Variants in MACROD2 observed in about 807,000 individuals in gnomAD.
MACROD2 encodes the protein ADP-ribose glycohydrolase MACROD2.
A neutral mutation model predicts 70.4 loss-of-function variants in MACROD2; 36 were observed. The ratio of observed to expected loss-of-function variants is 0.51; its 90% CI spans 0.39 to 0.68. The LOEUF is 0.68. Ranked by LOEUF, MACROD2 falls within the 30% of genes least tolerant of loss-of-function variation. The pLI is 0.00. For missense variants in MACROD2, 496 were observed against 538.4 expected, an observed-to-expected ratio of 0.92 and a Z score of 0.78; for synonymous variants, 172 against 178.8, an observed-to-expected ratio of 0.96 and a Z score of 0.30.
At chr20:15,605,107 A>G (rs2048874598) in intron 8 of MACROD2, among the ~76,000 whole-genome samples, 1 of 152,112 alleles carries the variant, frequency 6.6e-6, no homozygotes, top group South Asian at 2.1e-4. Flanking sequence ...TTTTCCTCAC[A>G]CTAATATGTC....
chr20:14,579,290 C>A (rs6135186), intron 4 of MACROD2, among the ~76,000 whole-genome samples: 5 of 150,880 alleles, frequency 3.3e-5, no homozygotes, highest in Admixed American at 6.6e-5. Flanking sequence ...TACAGGCGCC[C>A]GCCACCGCGC....
Position 15,561,485 on chromosome 20 carries a change from A to G in MACROD2, c.645+61638A>G, listed in dbSNP as rs145727980. ...GCTTTGATGTTCTTGGAGATTCTCTATGTTGCTTGGTACTACTAGGCTAAA... is the reference window on the plus strand; with the variant it reads ...GCTTTGATGTTCTTGGAGATTCTCTGTGTTGCTTGGTACTACTAGGCTAAA... On this transcript the variant is annotated intron_variant, in intron 8 of 17. Transcript: ENST00000684519. 5.6e-3 allele frequency among the ~76,000 whole-genome samples: 850 copies of G among 152,226 alleles called. 8 individuals carry two copies. Among genetic ancestry groups the G allele is most frequent in the African/African-American group, 0.019 (810 of 41,544 alleles).
intron 8 of MACROD2, among the ~76,000 whole-genome samples, chr20:15,705,278 C>G (rs1600784852): frequency 6.6e-6 from 1 of 152,082 alleles, no homozygotes; most frequent in South Asian, 2.1e-4. Context: ...TTAAATCAGT[C>G]TTTGAGAGAG....
intron 12 of MACROD2, among the ~76,000 whole-genome samples, chr20:15,942,491 T>C (rs2065764430): frequency 6.6e-6 from 1 of 152,210 alleles, no homozygotes; most frequent in Non-Finnish European, 1.5e-5. Flanking sequence ...TGTGTACTTA[T>C]CTATTGAGGA....
intron 5 of MACROD2, among the ~76,000 whole-genome samples, chr20:15,142,341 CAAAGT>C (rs1249291510): frequency 2.0e-5 from 3 of 152,130 alleles, no homozygotes; most frequent in East Asian, 1.9e-4. Context: ...CAGTATTTCT[CAAAGT>C]AAAGCCCCAA....
intron 12 of MACROD2, among the ~76,000 whole-genome samples, chr20:15,951,909 A>G (rs1025474310): frequency 6.6e-6 from 1 of 152,142 alleles, no homozygotes; most frequent in Non-Finnish European, 1.5e-5. Context: ...TCTATCCTAA[A>G]CGTGTTATGT....
At chr20:15,285,936 C>G (rs1279712449) in intron 6 of MACROD2, among the ~76,000 whole-genome samples, 3 of 151,888 alleles carry the variant, frequency 2.0e-5, no homozygotes, top group African/African-American at 4.8e-5. Context: ...AATGATTAAT[C>G]AAAAAGTATC....
intron 5 of MACROD2, among the ~76,000 whole-genome samples, chr20:14,717,084 T>G (rs1242305939): frequency 6.6e-6 from 1 of 152,156 alleles, no homozygotes; most frequent in East Asian, 1.9e-4. Context: ...AATTCTGATT[T>G]TGTGTCGACT....
intron 5 of MACROD2, among the ~76,000 whole-genome samples, chr20:14,692,938 C>T (rs1048424483): frequency 6.6e-6 from 1 of 152,148 alleles, no homozygotes; most frequent in Non-Finnish European, 1.5e-5. Context: ...TAAAAAATAT[C>T]TACCTTTTGG....
Position 14,325,810 on chromosome 20 carries a change from C to T in MACROD2, c.272-167669C>T, listed in dbSNP as rs145192093. On this transcript the variant is annotated intron_variant, in intron 3 of 17. Transcript: ENST00000684519. The stretch of plus-strand genomic sequence containing the variant: ...GTCATCCTTTCTTCTCCTCCCTTTG[C>T]TATATGCACAGTTCCTTGAGAAGAG... 9 of 1,613,890 alleles carry T rather than the reference C, an allele frequency of 5.6e-6. No homozygotes were observed. The East Asian group carries it at 2.0e-4, about 36-fold the overall frequency.
At chr20:14,412,227 G>A (rs189749002) in intron 3 of MACROD2, among the ~76,000 whole-genome samples, 129 of 152,266 alleles carry the variant, frequency 8.5e-4, no homozygotes, top group Non-Finnish European at 1.4e-3. Context: ...TGTCTTAGCT[G>A]TGACCCTGGG....
chr20:15,468,581 G>A (rs574348997), intron 7 of MACROD2, among the ~76,000 whole-genome samples: 2 of 152,290 alleles, frequency 1.3e-5, no homozygotes, highest in South Asian at 4.1e-4. Context: ...AGCAGAGAGG[G>A]CTTAAAAGGT....
intron 12 of MACROD2, among the ~76,000 whole-genome samples, chr20:15,956,125 G>A (rs1424345333): frequency 2.0e-5 from 3 of 152,176 alleles, no homozygotes; most frequent in African/African-American, 7.2e-5. Flanking sequence ...CATGTGGCTG[G>A]CTGGTGGCTA....
intron 8 of MACROD2, among the ~76,000 whole-genome samples, chr20:15,837,358 T>C (rs1040841511): frequency 6.6e-6 from 1 of 152,142 alleles, no homozygotes; most frequent in African/African-American, 2.4e-5. Context: ...ATGGGACCCC[T>C]TTTCTCCGTG....
chr20:14,631,228 C>T (rs114972476), intron 4 of MACROD2, among the ~76,000 whole-genome samples: 2,177 of 152,142 alleles, frequency 0.014, 57 homozygotes, highest in African/African-American at 0.05. Context: ...AGATTTACAG[C>T]AACCAATCAG....
chr20:15,344,876 T>C (rs1469676548), intron 6 of MACROD2, among the ~76,000 whole-genome samples: 3 of 152,190 alleles, frequency 2.0e-5, no homozygotes, highest in African/African-American at 7.2e-5. Context: ...CCCCCTTATG[T>C]CTTAGTTGGT....
In MACROD2 at chr20:15,537,467, CTTTTTTTTTTTTTT is replaced by C. The variant is rs35857138; in HGVS notation, c.645+37631_645+37644del. Among the ~76,000 whole-genome samples, 181 of 89,968 alleles carry C rather than the reference CTTTTTTTTTTTTTT, an allele frequency of 2.0e-3. 2 individuals are homozygous for C. The highest frequency in any genetic ancestry group is 8.0e-3 in the African/African-American group (168 of 20,978). 59.0% of individuals were successfully genotyped at this position (89,968 alleles called of 152,430 possible). On this transcript the variant is annotated intron_variant, in intron 8 of 17. Coordinates refer to ENST00000684519, the MANE Select transcript of MACROD2 (RefSeq NM_001351661.2). ...ACTTTGCCTGGGAAATCCCACTCAT[CTTTTTTTTTTTTTT>C]TTTTTTTTTTGAGAGGGAGTGTCAC...
At chr20:15,946,975 T>C (rs1052756751) in intron 12 of MACROD2, among the ~76,000 whole-genome samples, 2 of 152,192 alleles carry the variant, frequency 1.3e-5, no homozygotes, top group Non-Finnish European at 2.9e-5. Context: ...GAAGGTACTA[T>C]GCCTGGATGT....
intron 8 of MACROD2, among the ~76,000 whole-genome samples, chr20:15,780,055 A>G (rs1265870106): frequency 6.6e-6 from 1 of 152,018 alleles, no homozygotes; most frequent in Non-Finnish European, 1.5e-5. Context: ...AAAAAAACAC[A>G]CATCTGTCTT....
Sources: allele counts gnomAD v4.1 joint callset (sites outside exome capture counted in the v4.1 genomes callset), GRCh38; gene constraint gnomAD v4.1.1; transcripts MANE v1.5; gene names NCBI Gene and HGNC (gene_info 2026-07-23, HGNC 2026-07-21).